SNRNP40: variants seen among roughly 807,000 people sequenced by gnomAD.
SNRNP40 encodes small nuclear ribonucleoprotein U5 subunit 40.
A neutral mutation model predicts 45.8 loss-of-function variants in SNRNP40; 21 were observed. That is an observed-to-expected ratio of 0.46 (90% confidence interval 0.32 to 0.66). The LOEUF (loss-of-function observed/expected upper bound fraction) is 0.66. Among genes scored for constraint, SNRNP40 ranks in the 30% least tolerant of loss-of-function variants. The probability of loss-of-function intolerance (pLI) is 0.03; values close to 1 mark genes in which losing one functional copy is unlikely to be tolerated. For missense variants in SNRNP40, 344 were observed against 439.1 expected, an observed-to-expected ratio of 0.78 and a Z score of 1.94; for synonymous variants, 142 against 163.8, an observed-to-expected ratio of 0.87 and a Z score of 1.01.
At position 31,261,540 on chromosome 1, in the gene SNRNP40, T is replaced by G; in HGVS notation, c.1013A>C (p.Asp338Ala). 6.2e-7 allele frequency: 1 copy of G among 1,611,748 alleles called. No homozygotes were observed. Among genetic ancestry groups the G allele is most frequent in the Non-Finnish European group, 8.5e-7 (1 of 1,177,854 alleles). ...GSINEVAFHP[D>A]EPIIISASSD... ...TGGGACAGACTTACTGATGGGCTCATCAGGGTGGAAAGCCACTTCATTGAT... is the reference window on the plus strand; with the variant it reads ...TGGGACAGACTTACTGATGGGCTCAGCAGGGTGGAAAGCCACTTCATTGAT... Residue 338 changes from aspartate to alanine, a missense_variant, in exon 9 of 10, where the codon GAT becomes GCT. Asp to Ala is a moderately radical substitution (Grantham distance 126, BLOSUM62 -2). This residue lies in a region of SNRNP40 where 254 missense variants were observed against 380.2 expected (regional missense o/e 0.67). Transcript: ENST00000263694.
chr1:31,292,138 G>A, intron 2 of SNRNP40, 132 bp from the exon 3 acceptor site: 1 of 512,232 alleles, frequency 2.0e-6, no homozygotes, highest in East Asian at 3.5e-5. Context: ...CGAGACGGGT[G>A]GATCACTTGA....
chr1:31,294,666 G>A (rs1354130563), intron 1 of SNRNP40, among the ~76,000 whole-genome samples: 8 of 152,162 alleles, frequency 5.3e-5, no homozygotes, highest in South Asian at 2.1e-4. Flanking sequence ...CAGGCTGGGC[G>A]CGGTGGCTCA....
chr1:31,286,195 T>C lies in SNRNP40; in HGVS notation c.531+3059A>G, dbSNP rs558805333. ...ACACACACACACTCACACATTTATG[T>C]CTATTTTTTTCTATATGTTTCTATA... On this transcript the variant is annotated intron_variant, in intron 4 of 9. Transcript: ENST00000263694. Among the ~76,000 whole-genome samples, 6 of 152,218 alleles carry C rather than the reference T, an allele frequency of 3.9e-5. No individual in the cohort carries two copies. The East Asian group carries it at 1.2e-3, about 29-fold the overall frequency.
At chr1:31,261,097 T>C (rs1021499247) in intron 9 of SNRNP40, 2 of 1,085,876 alleles carry the variant, frequency 1.8e-6, no homozygotes, top group Non-Finnish European at 1.2e-6. Context: ...TCCCAGCACT[T>C]TGGGAGGCTG....
intron 1 of SNRNP40, among the ~76,000 whole-genome samples, chr1:31,294,652 T>C (rs1177254691): frequency 1.3e-5 from 2 of 151,902 alleles, no homozygotes; most frequent in African/African-American, 4.8e-5. Context: ...AAAAATGTTA[T>C]GTGCAGGCTG....
intron 5 of SNRNP40, among the ~76,000 whole-genome samples, chr1:31,274,018 T>A (rs997922531): frequency 9.2e-5 from 14 of 151,778 alleles, no homozygotes; most frequent in Non-Finnish European, 2.1e-4. Context: ...TAGGACAAGA[T>A]AATTTATGGA....
intron 4 of SNRNP40, among the ~76,000 whole-genome samples, chr1:31,284,337 CG>C (rs1472515279): frequency 6.6e-6 from 1 of 152,112 alleles, no homozygotes; most frequent in African/African-American, 2.4e-5. Flanking sequence ...TTAGAAGAGA[CG>C]GGGGTTTCAC....
At chr1:31,282,521 A>C (rs11806298) in intron 4 of SNRNP40, 24 of 148,186 alleles carry the variant, frequency 1.6e-4, no homozygotes. Flanking sequence ...CTATCTATCT[A>C]TCTAATCTGG....
chr1:31,273,864 G>A (rs1336916912), intron 5 of SNRNP40, among the ~76,000 whole-genome samples: 1 of 152,148 alleles, frequency 6.6e-6, no homozygotes, highest in Non-Finnish European at 1.5e-5. Context: ...ACGGGTCAGA[G>A]GGTTTAGCTC....
rs1291859637 is a variant in SNRNP40 at position 31,260,246 on chromosome 1, C to G, written c.1025-125G>C. The G allele has an allele frequency of 8.4e-6, 5 of 595,890 alleles. No individual in the cohort carries two copies. In the East Asian group the frequency reaches 1.4e-4, roughly 17 times the overall value. The allele number at this position is 595,890 out of a possible 1,614,324, so 36.9% of individuals were successfully genotyped here. A position where few individuals can be genotyped will look rare whatever the true frequency, so the allele number is the denominator to read the frequency against. Reference sequence around the variant, plus strand: ...AATTGGACTTAGCTTAAATTCCCCTCCTAAACACCATCCACAGGAAATTGT... The same window carrying G: ...AATTGGACTTAGCTTAAATTCCCCTGCTAAACACCATCCACAGGAAATTGT... On this transcript the variant is annotated intron_variant, in intron 9 of 9. Coordinates refer to ENST00000263694, the MANE Select transcript of SNRNP40 (RefSeq NM_004814.3).
rs1191253215 is a variant in SNRNP40, at chr1:31,293,210, A to G, written c.271+9T>C. 1 of 1,613,330 alleles carries G rather than the reference A, an allele frequency of 6.2e-7. No homozygotes were observed. Among genetic ancestry groups the G allele is most frequent in the Admixed American group, 1.7e-5 (1 of 59,952 alleles). On this transcript the variant is annotated intron_variant, in intron 2 of 9. Transcript: ENST00000263694. The stretch of plus-strand genomic sequence containing the variant: ...AAAAATTATTCCAGATTCAAAAACT[A>G]TGCCTCACATATCAGTCGGTCAAAT...
chr1:31,264,726 G>A (rs1009055326), intron 8 of SNRNP40, among the ~76,000 whole-genome samples: 6 of 152,114 alleles, frequency 3.9e-5, no homozygotes, highest in Admixed American at 6.5e-5. Flanking sequence ...CAGCCTTCCC[G>A]TAGCCTATAG....
At chr1:31,286,455 A>C (rs1276824802) in intron 4 of SNRNP40, among the ~76,000 whole-genome samples, 1 of 152,048 alleles carries the variant, frequency 6.6e-6, no homozygotes, top group African/African-American at 2.4e-5. Flanking sequence ...TTCCTTAACC[A>C]ACTTGGGTCA....
chr1:31,264,553 T>C (rs112856459), intron 8 of SNRNP40, among the ~76,000 whole-genome samples: 1,825 of 152,290 alleles, frequency 0.012, 27 homozygotes, highest in African/African-American at 0.033. Flanking sequence ...GGAGAAAATA[T>C]TGATCTCATA....
chr1:31,296,616 G>A lies in SNRNP40; in HGVS notation c.136C>T (p.Gln46Ter). 3 of 1,609,930 alleles carry A rather than the reference G, an allele frequency of 1.9e-6. No homozygotes were observed. The highest frequency in any genetic ancestry group is 2.5e-6 in the Non-Finnish European group (3 of 1,178,274). Reference protein sequence around the residue: ...QQQATPGALLQAGPPRCSSLQ... With the variant: ...QQQATPGALL ...CCGCCTGCTTCTTCACTTACCGCTT[G>A]CAGCAAGGCTCCCGGCGTCGCCTGC... The change falls in exon 1 of 10, where the codon CAA becomes TAA. Residue 46 changes from glutamine to a stop codon, truncating the protein, a stop_gained. Transcript: ENST00000263694. LOFTEE classifies it high-confidence loss of function.
chr1:31,272,388 C>T (rs778327265), intron 5 of SNRNP40, among the ~76,000 whole-genome samples: 3 of 152,058 alleles, frequency 2.0e-5, no homozygotes, highest in Non-Finnish European at 4.4e-5. Flanking sequence ...ATAACCTAAA[C>T]GTCAAGCAGG....
chr1:31,259,948 C>T lies in SNRNP40; in HGVS notation c.*124G>A, dbSNP rs778577331. ...GTTTTTGGAATATGGCCACCGCCTC[C>T]TGTTTCTTGCTAGCAATGGTCATCT... On this transcript the variant is annotated 3_prime_UTR_variant, in exon 10 of 10. Transcript: ENST00000263694. 1.3e-6 allele frequency: 1 copy of T among 778,242 alleles called. No individual in the cohort carries two copies. 48.2% of individuals were successfully genotyped at this position (778,242 alleles called of 1,614,324 possible). A position where few individuals can be genotyped will look rare whatever the true frequency, so the allele number is the denominator to read the frequency against.
rs749533658 is a variant in SNRNP40 at position 31,259,921 on chromosome 1, T to A, written c.*151A>T. 3 of 713,330 alleles carry A rather than the reference T, an allele frequency of 4.2e-6. No individual in the cohort carries two copies. Among genetic ancestry groups the A allele is most frequent in the Non-Finnish European group, 7.7e-6 (3 of 391,628 alleles). The allele number at this position is 713,330 out of a possible 1,614,324, so 44.2% of individuals were successfully genotyped here. A position where few individuals can be genotyped will look rare whatever the true frequency, so the allele number is the denominator to read the frequency against. ...TCATCCTGGTGAAATGGGACAGAAGTGGTTTTTGGAATATGGCCACCGCCT... is the reference window on the plus strand; with the variant it reads ...TCATCCTGGTGAAATGGGACAGAAGAGGTTTTTGGAATATGGCCACCGCCT... On this transcript the variant is annotated 3_prime_UTR_variant, in exon 10 of 10. Transcript: ENST00000263694.
Position 31,296,765 on chromosome 1 carries a change from C to T in SNRNP40, c.-14G>A, listed in dbSNP as rs933092257. 3.2e-6 allele frequency: 5 copies of T among 1,568,050 alleles called. No homozygotes were observed. In the African/African-American group the frequency reaches 6.8e-5, roughly 21 times the overall value. ...CTGTTCTATCATGGCGGCAACCGGT[C>T]TCTTCAGCGCCGCCACTGACCGCGC... On this transcript the variant is annotated 5_prime_UTR_variant, in exon 1 of 10. Coordinates refer to ENST00000263694, the MANE Select transcript of SNRNP40 (RefSeq NM_004814.3).
Sources: gnomAD v4.1 joint callset for allele counts (sites outside exome capture counted in the v4.1 genomes callset) on GRCh38, gnomAD v4.1.1 for gene constraint, gnomAD v4.1.1 regional missense constraint, MANE v1.5 for transcripts, NCBI Gene and HGNC (gene_info 2026-07-23, HGNC 2026-07-21) for gene names.